VAC14: variants seen among roughly 807,000 people sequenced by gnomAD.
VAC14 encodes the protein VAC14 component of PIKFYVE complex.
A neutral mutation model predicts 85.3 loss-of-function variants in VAC14; 47 were observed. That is an observed-to-expected ratio of 0.55 (90% CI 0.44 to 0.70). The LOEUF is 0.70. Among genes scored for constraint, VAC14 ranks in the 30% least tolerant of loss-of-function variants. VAC14 has a pLI of 0.00. For missense variants in VAC14, 861 were observed against 1,004.3 expected (o/e 0.86, Z 1.93); for synonymous variants, 447 against 430.5 (o/e 1.04, Z -0.47).
In VAC14 at chr16:70,696,149, TAA is replaced by T. The variant is rs1303854221; in HGVS notation, c.1956-528_1956-527del. Among the ~76,000 whole-genome samples the T allele has an allele frequency of 3.9e-5, 6 of 152,222 alleles. No individual in the cohort carries two copies. In the South Asian group the frequency reaches 1.2e-3, roughly 32 times the overall value. ...ACTCCTGGCTGGTCATGTTGCCTTCTAAATAGCACTCCAATCCTGGGTTACAT... is the reference window on the plus strand; with the variant it reads ...ACTCCTGGCTGGTCATGTTGCCTTCTATAGCACTCCAATCCTGGGTTACAT... On this transcript the variant is annotated intron_variant, in intron 16 of 18. Coordinates refer to ENST00000261776, the MANE Select transcript of VAC14 (RefSeq NM_018052.5).
intron 10 of VAC14, chr16:70,766,347 G>A: frequency 2.6e-6 from 1 of 390,948 alleles, no homozygotes; most frequent in Non-Finnish European, 5.2e-6. Context: ...CCTGCAAGTG[G>A]TGCTGTGTCA....
chr16:70,756,144 G>A (rs1025528097), intron 12 of VAC14: 8 of 455,288 alleles, frequency 1.8e-5, no homozygotes, highest in Admixed American at 7.1e-5. Flanking sequence ...AAAGGGGCAC[G>A]CTGGGGTGAT....
At chr16:70,783,687 G>A (rs2143262838) in intron 5 of VAC14, 133 bp from the exon 6 acceptor site, 6 of 840,798 alleles carry the variant, frequency 7.1e-6, no homozygotes, top group South Asian at 1.6e-5. Flanking sequence ...GGTGTCCCAT[G>A]TGGGAGGAGG....
intron 10 of VAC14, 127 bp downstream of exon 10, chr16:70,771,982 G>C: frequency 1.0e-5 from 8 of 798,872 alleles, no homozygotes; most frequent in Non-Finnish European, 1.7e-5. Flanking sequence ...TTTTGTGTAC[G>C]AGGGTGTCCC....
chr16:70,720,376 G>A (rs948409254), intron 14 of VAC14, among the ~76,000 whole-genome samples: 1 of 152,206 alleles, frequency 6.6e-6, no homozygotes, highest in African/African-American at 2.4e-5. Context: ...GAGCCTGGAG[G>A]GAGTTGAGGC....
chr16:70,694,966 G>A (rs1431363440), intron 17 of VAC14, among the ~76,000 whole-genome samples: 1 of 152,224 alleles, frequency 6.6e-6, no homozygotes, highest in East Asian at 1.9e-4. Context: ...CCAGGGGCCT[G>A]GTATCAGCCT....
chr16:70,695,755 A>G, intron 16 of VAC14, 132 bp from the exon 17 acceptor site: 2 of 771,740 alleles, frequency 2.6e-6, no homozygotes, highest in Non-Finnish European at 4.3e-6. Context: ...GATTTGGCGC[A>G]CAAAGGACAC....
chr16:70,765,504 T>C (rs1427551508), intron 10 of VAC14, among the ~76,000 whole-genome samples: 1 of 152,172 alleles, frequency 6.6e-6, no homozygotes, highest in Non-Finnish European at 1.5e-5. Context: ...TAAAAAGCCC[T>C]ATGGCCTAAA....
intron 18 of VAC14, chr16:70,691,928 G>T (rs1417736390): frequency 1.0e-6 from 1 of 985,242 alleles, no homozygotes; most frequent in African/African-American, 1.7e-5. Flanking sequence ...AAGGCGCCAG[G>T]CCTGCTGAGT....
intron 14 of VAC14, among the ~76,000 whole-genome samples, chr16:70,721,544 T>C (rs1364255195): frequency 3.3e-5 from 5 of 151,980 alleles, no homozygotes; most frequent in Admixed American, 6.5e-5. Context: ...TCAGGCTAAA[T>C]AACCCTGGGT....
At chr16:70,769,001 A>G (rs1219113284) in intron 10 of VAC14, 2 of 277,534 alleles carry the variant, frequency 7.2e-6, no homozygotes, top group Non-Finnish European at 1.4e-5. Flanking sequence ...TTTTTAGTAG[A>G]GATGGGGTTT....
At chr16:70,770,697 T>C (rs1366263729) in intron 10 of VAC14, 2 of 152,214 alleles carry the variant, frequency 1.3e-5, no homozygotes, top group Admixed American at 6.5e-5. Context: ...AGTAAATGAA[T>C]GAAGGTCAGG....
intron 18 of VAC14, chr16:70,691,767 C>A (rs2053600027): frequency 1.7e-5 from 17 of 985,422 alleles, no homozygotes; most frequent in Non-Finnish European, 2.0e-5. Flanking sequence ...ATCAGGTGCC[C>A]CACACTCAGC....
intron 14 of VAC14, among the ~76,000 whole-genome samples, chr16:70,708,975 T>C (rs1441706783): frequency 6.6e-6 from 1 of 152,214 alleles, no homozygotes; most frequent in Non-Finnish European, 1.5e-5. Context: ...GTCTCCATGA[T>C]AATCAACTCC....
At chr16:70,734,166 T>C (rs923618681) in intron 13 of VAC14, among the ~76,000 whole-genome samples, 2 of 152,090 alleles carry the variant, frequency 1.3e-5, no homozygotes, top group African/African-American at 2.4e-5. Flanking sequence ...ATAAACAGTG[T>C]CTTGCTCTGT....
intron 14 of VAC14, among the ~76,000 whole-genome samples, chr16:70,723,214 C>T (rs933799277): frequency 1.3e-5 from 2 of 150,706 alleles, no homozygotes; most frequent in East Asian, 4.0e-4. Context: ...TGAGTGAGAC[C>T]CTGTCTCAAA....
At chr16:70,763,758 CT>C (rs1421259491) in intron 10 of VAC14, among the ~76,000 whole-genome samples, 6 of 152,332 alleles carry the variant, frequency 3.9e-5, no homozygotes, top group African/African-American at 1.4e-4. Context: ...AGGAAGCCCC[CT>C]GGCTTCTGTG....
intron 4 of VAC14, 66 bp downstream of exon 4, chr16:70,784,710 C>G: frequency 6.8e-7 from 1 of 1,461,228 alleles, no homozygotes; most frequent in Non-Finnish European, 9.6e-7. Context: ...GACAGAATTT[C>G]TAAGCTTTAC....
At chr16:70,750,376 G>C (rs866280441) in intron 12 of VAC14, among the ~76,000 whole-genome samples, 1 of 152,186 alleles carries the variant, frequency 6.6e-6, no homozygotes, top group Non-Finnish European at 1.5e-5. Flanking sequence ...GGAGGAAAGA[G>C]AGGGAGGGAG....
Sources: gnomAD v4.1 joint callset for allele counts (sites outside exome capture counted in the v4.1 genomes callset) on GRCh38, gnomAD v4.1.1 for gene constraint, MANE v1.5 for transcripts, NCBI Gene and HGNC (gene_info 2026-07-23, HGNC 2026-07-21) for gene names.